Variants in DYRK1A observed in about 807,000 individuals in gnomAD.
DYRK1A encodes the protein dual specificity tyrosine-phosphorylation-regulated kinase 1A.
DYRK1A carries 9 observed loss-of-function variants against 79.7 expected under a neutral mutation model. The observed-to-expected ratio is 0.11, with a 90% CI of 0.07 to 0.20. The LOEUF (loss-of-function observed/expected upper bound fraction) is 0.20, where lower values mean the gene tolerates loss of function less well. DYRK1A is among the 10% of genes least tolerant of loss of function. DYRK1A has a pLI of 1.00. For missense variants in DYRK1A, 622 were observed against 956.0 expected, an observed-to-expected ratio of 0.65 and a Z score of 4.61; for synonymous variants, 349 against 329.7, an observed-to-expected ratio of 1.06 and a Z score of -0.63.
chr21:37,373,189 C>A (rs1256770870), intron 1 of DYRK1A, among the ~76,000 whole-genome samples: 1 of 152,028 alleles, frequency 6.6e-6, no homozygotes, highest in Non-Finnish European at 1.5e-5. Flanking sequence ...TCCTGTATGC[C>A]AGATATAGAT....
intron 2 of DYRK1A, among the ~76,000 whole-genome samples, chr21:37,429,265 C>G (rs1360237246): frequency 6.6e-6 from 1 of 152,118 alleles, no homozygotes; most frequent in Non-Finnish European, 1.5e-5. Context: ...TTTTTGTAAC[C>G]TACTGGTTGC....
chr21:37,379,719 A>T (rs1426205960), intron 1 of DYRK1A, among the ~76,000 whole-genome samples: 1 of 152,222 alleles, frequency 6.6e-6, no homozygotes, highest in Non-Finnish European at 1.5e-5. Context: ...GTAGCTGAGC[A>T]TGTGAGCAGT....
chr21:37,487,233 C>T (rs2052902798), intron 6 of DYRK1A: 1 of 152,058 alleles, frequency 6.6e-6, no homozygotes, highest in Non-Finnish European at 1.5e-5. Context: ...ATAAGAAGCC[C>T]CATACCCAGG....
chr21:37,368,255 C>G (rs1014456467), intron 1 of DYRK1A: 2 of 152,014 alleles, frequency 1.3e-5, no homozygotes, highest in East Asian at 3.9e-4. Context: ...GGATGACCTG[C>G]CCGGCAGCCG....
chr21:37,444,319 A>G (rs2051197483), intron 2 of DYRK1A, among the ~76,000 whole-genome samples: 1 of 152,252 alleles, frequency 6.6e-6, no homozygotes, highest in Non-Finnish European at 1.5e-5. Context: ...CTGAACAGAC[A>G]AGTTGCAGAA....
At chr21:37,488,085 CAT>C (rs2052938065) in intron 6 of DYRK1A, 1 of 152,256 alleles carries the variant, frequency 6.6e-6, no homozygotes, top group Non-Finnish European at 1.5e-5. Flanking sequence ...TTAAAAAAGA[CAT>C]AGCTGGCATA....
intron 1 of DYRK1A, chr21:37,419,382 G>A (rs1484497361): frequency 6.6e-6 from 1 of 152,128 alleles, no homozygotes; most frequent in Non-Finnish European, 1.5e-5. Flanking sequence ...GCTTATTTTA[G>A]AATTTGTCTG....
chr21:37,369,734 T>G (rs1466176279), intron 1 of DYRK1A, among the ~76,000 whole-genome samples: 2 of 152,240 alleles, frequency 1.3e-5, no homozygotes, highest in Non-Finnish European at 2.9e-5. Flanking sequence ...GGAATAGACC[T>G]GAATGAATGG....
intron 1 of DYRK1A, among the ~76,000 whole-genome samples, chr21:37,408,287 T>C (rs2148410604): frequency 6.6e-6 from 1 of 152,338 alleles, no homozygotes; most frequent in Non-Finnish European, 1.5e-5. Context: ...TCTGACACTT[T>C]TCTCACATAC....
intron 1 of DYRK1A, among the ~76,000 whole-genome samples, chr21:37,405,699 C>T (rs1361970429): frequency 6.6e-6 from 1 of 152,148 alleles, no homozygotes; most frequent in East Asian, 1.9e-4. Context: ...AAATGTTTCC[C>T]TCTTTTAGCA....
In DYRK1A at chr21:37,505,583, A is replaced by G. The variant is rs746997359; in HGVS notation, c.1513A>G (p.Ser505Gly). The change falls in exon 10 of 12, where the codon AGC becomes GGC. Residue 505 changes from serine (S) to glycine (G), a missense_variant. Physicochemically the swap from Ser to Gly is moderately conservative, Grantham distance 56. Around this residue, in one of 5 missense-constraint regions of DYRK1A, gnomAD observed 21 missense variants for 62.5 expected, o/e 0.34. Transcript: ENST00000647188. ...GGGCACCACCTCCAGTACATCGTCA[A>G]GCTCAGGTCTGTGCTGCTGCGGTTA... Reference protein sequence around the residue: ...SSGTTSSTSSSSGGSSGTSNS... With the variant: ...SSGTTSSTSSGSGGSSGTSNS... 4 of 1,601,572 alleles carry G rather than the reference A, an allele frequency of 2.5e-6. No homozygotes were observed. The highest frequency in any genetic ancestry group is 3.4e-6 in the Non-Finnish European group (4 of 1,177,470).
At chr21:37,473,868 C>G (rs749321939) in intron 3 of DYRK1A, among the ~76,000 whole-genome samples, 1 of 152,072 alleles carries the variant, frequency 6.6e-6, no homozygotes, top group Non-Finnish European at 1.5e-5. Flanking sequence ...AGTTTAGTTG[C>G]GTGTTTGAGA....
chr21:37,365,767 A>C (rs2049290229), upstream of DYRK1A: 1 of 152,416 alleles, frequency 6.6e-6, no homozygotes, highest in Non-Finnish European at 1.5e-5. Context: ...CGACAAGGAC[A>C]CAGTAACAGC....
At chr21:37,378,669 C>G (rs1189121916) in intron 1 of DYRK1A, among the ~76,000 whole-genome samples, 1 of 152,188 alleles carries the variant, frequency 6.6e-6, no homozygotes, top group Non-Finnish European at 1.5e-5. Context: ...TGAACATTTG[C>G]ATGTCCTCTG....
intron 11 of DYRK1A, among the ~76,000 whole-genome samples, chr21:37,508,344 A>G (rs1286249626): frequency 6.6e-6 from 1 of 152,106 alleles, no homozygotes; most frequent in East Asian, 1.9e-4. Flanking sequence ...CTGGGGTGGA[A>G]TGGAACAATC....
chr21:37,386,317 T>C (rs1385234853), intron 1 of DYRK1A, among the ~76,000 whole-genome samples: 1 of 152,144 alleles, frequency 6.6e-6, no homozygotes. Flanking sequence ...ACCCCCACCC[T>C]GTCCTTTGAA....
intron 2 of DYRK1A, among the ~76,000 whole-genome samples, chr21:37,433,678 T>C (rs1019451360): frequency 3.9e-5 from 6 of 152,232 alleles, no homozygotes; most frequent in African/African-American, 1.4e-4. Context: ...TTTTCAAACC[T>C]GTCTTAAGCC....
chr21:37,499,670 G>A (rs1237287550), intron 9 of DYRK1A, among the ~76,000 whole-genome samples: 1 of 151,654 alleles, frequency 6.6e-6, no homozygotes, highest in East Asian at 1.9e-4. Context: ...TAATTTTTTA[G>A]ATGCTATTTT....
intron 1 of DYRK1A, among the ~76,000 whole-genome samples, chr21:37,401,623 C>T (rs891248390): frequency 6.6e-6 from 1 of 151,856 alleles, no homozygotes; most frequent in Non-Finnish European, 1.5e-5. Context: ...GCTGGAATTA[C>T]AGGCGTGCCC....
Sources: gnomAD v4.1 joint callset for allele counts (sites outside exome capture counted in the v4.1 genomes callset) on GRCh38, gnomAD v4.1.1 for gene constraint, gnomAD v4.1.1 regional missense constraint, MANE v1.5 for transcripts, NCBI Gene and HGNC (gene_info 2026-07-23, HGNC 2026-07-21) for gene names.